Variants in ATXN1 observed in about 807,000 individuals in gnomAD.
ATXN1 encodes the protein ataxin-1.
ATXN1 carries 8 observed loss-of-function variants against 56.4 expected under a neutral mutation model. The observed-to-expected ratio is 0.14, with a 90% CI of 0.08 to 0.26. The LOEUF (loss-of-function observed/expected upper bound fraction) is 0.26, where lower values mean the gene tolerates loss of function less well. Ranked by LOEUF, ATXN1 falls within the 10% of genes least tolerant of loss-of-function variation. ATXN1 has a pLI of 1.00. For synonymous variants in ATXN1, 514 were observed against 494.6 expected (o/e 1.04, Z -0.52); for missense variants, 987 against 1,106.5 (o/e 0.89, Z 1.53).
At chr6:16,544,450 T>G (rs1256643116) in intron 4 of ATXN1, among the ~76,000 whole-genome samples, 2 of 152,234 alleles carry the variant, frequency 1.3e-5, no homozygotes, top group Non-Finnish European at 2.9e-5. Context: ...TAAATAACTT[T>G]TGGGGGCTTA....
At chr6:16,325,276 C>T (rs1760775731) in intron 7 of ATXN1, among the ~76,000 whole-genome samples, 1 of 152,062 alleles carries the variant, frequency 6.6e-6, no homozygotes, top group South Asian at 2.1e-4. Context: ...CACCACCATG[C>T]CCGGCTAATT....
At chr6:16,411,333 C>T (rs1581744184) in intron 6 of ATXN1, among the ~76,000 whole-genome samples, 1 of 151,764 alleles carries the variant, frequency 6.6e-6, no homozygotes, top group African/African-American at 2.4e-5. Context: ...TTTACTACTA[C>T]CTCATATGAC....
intron 2 of ATXN1, among the ~76,000 whole-genome samples, chr6:16,684,175 A>G (rs956783745): frequency 6.6e-6 from 1 of 152,198 alleles, no homozygotes; most frequent in African/African-American, 2.4e-5. Context: ...GAAAGATCTT[A>G]GACTTGCTTG....
chr6:16,584,637 C>CCCG (rs1762591457), intron 4 of ATXN1, among the ~76,000 whole-genome samples: 1 of 147,748 alleles, frequency 6.8e-6, no homozygotes, highest in African/African-American at 2.7e-5. Context: ...CAAATGACCC[C>CCCG]CCCCACCCCC....
intron 6 of ATXN1, among the ~76,000 whole-genome samples, chr6:16,333,977 A>T (rs568833874): frequency 1.2e-4 from 19 of 152,290 alleles, no homozygotes; most frequent in Middle Eastern, 3.4e-3. Flanking sequence ...TTGACTGAAC[A>T]GGCATGCCCC....
intron 7 of ATXN1, among the ~76,000 whole-genome samples, chr6:16,319,403 G>T (rs1448430868): frequency 1.3e-5 from 2 of 152,172 alleles, no homozygotes; most frequent in Non-Finnish European, 2.9e-5. Context: ...CAAAACTATG[G>T]AGAGAGTAAA....
rs970866194 is a variant in ATXN1, at chr6:16,733,851, T to C, written c.-615+19382A>G. Among the ~76,000 whole-genome samples, 3 of 149,338 alleles carry C rather than the reference T, an allele frequency of 2.0e-5. No individual in the cohort carries two copies. The East Asian group carries it at 6.0e-4, about 30-fold the overall frequency. ...AACAAGAGCAAAACTCCATCTCAAA[T>C]GAAAAAGAACCACTGGCTGGGTGGA... On this transcript the variant is annotated intron_variant, in intron 2 of 7. Coordinates refer to ENST00000436367, the MANE Select transcript of ATXN1 (RefSeq NM_001128164.2).
chr6:16,644,650 G>A (rs1471971918), intron 3 of ATXN1, among the ~76,000 whole-genome samples: 5 of 151,536 alleles, frequency 3.3e-5, no homozygotes, highest in Non-Finnish European at 1.5e-5. Context: ...TTTCAGAGTA[G>A]GGTATCTGAT....
In ATXN1 at chr6:16,532,763, T is replaced by A. The variant is rs1761529666; in HGVS notation, c.-360-10075A>T. Among the ~76,000 whole-genome samples, 5 of 152,118 alleles carry A rather than the reference T, an allele frequency of 3.3e-5. 1 individual carries two copies. The South Asian group carries it at 1.0e-3, about 32-fold the overall frequency. Reference sequence around the variant, plus strand: ...AATGTTGGCAAGGATGTGGACAAATTGGAACTCTGTGTACATTACTGATAG... The same window carrying A: ...AATGTTGGCAAGGATGTGGACAAATAGGAACTCTGTGTACATTACTGATAG... On this transcript the variant is annotated intron_variant, in intron 4 of 7. Coordinates refer to ENST00000436367, the MANE Select transcript of ATXN1 (RefSeq NM_001128164.2).
chr6:16,575,621 T>G (rs1762407167), intron 4 of ATXN1, among the ~76,000 whole-genome samples: 1 of 152,210 alleles, frequency 6.6e-6, no homozygotes, highest in Admixed American at 6.5e-5. Flanking sequence ...ATCTGTTCAT[T>G]CATTTGACAG....
At chr6:16,653,894 G>A (rs1758133705) in intron 3 of ATXN1, among the ~76,000 whole-genome samples, 1 of 152,148 alleles carries the variant, frequency 6.6e-6, no homozygotes. Flanking sequence ...TGGACCCTTT[G>A]CTGTGGGAGA....
chr6:16,529,862 C>T (rs548036468), intron 4 of ATXN1, among the ~76,000 whole-genome samples: 1 of 152,270 alleles, frequency 6.6e-6, no homozygotes, highest in South Asian at 2.1e-4. Context: ...TAAATTGTGA[C>T]CCAGCTCTGA....
intron 6 of ATXN1, among the ~76,000 whole-genome samples, chr6:16,341,960 G>A (rs897107664): frequency 7.3e-6 from 1 of 137,402 alleles, no homozygotes; most frequent in African/African-American, 2.8e-5. Context: ...TCGGCTCACT[G>A]CACCTCCCAG....
chr6:16,377,029 A>G (rs1762153842), intron 6 of ATXN1, among the ~76,000 whole-genome samples: 1 of 152,212 alleles, frequency 6.6e-6, no homozygotes, highest in Non-Finnish European at 1.5e-5. Context: ...ATTTACTTTC[A>G]GTATCCCTCA....
intron 3 of ATXN1, among the ~76,000 whole-genome samples, chr6:16,629,794 G>C (rs1028381435): frequency 6.6e-6 from 1 of 151,422 alleles, no homozygotes; most frequent in Non-Finnish European, 1.5e-5. Flanking sequence ...GTGTGCGCCT[G>C]TAATCCCAGC....
At chr6:16,407,929 A>G (rs1481395426) in intron 6 of ATXN1, among the ~76,000 whole-genome samples, 1 of 152,246 alleles carries the variant, frequency 6.6e-6, no homozygotes, top group African/African-American at 2.4e-5. Context: ...TCTGAAGTCC[A>G]GTAATTCTTC....
intron 6 of ATXN1, chr6:16,432,669 T>A (rs748459329): frequency 5.9e-5 from 9 of 152,140 alleles, no homozygotes; most frequent in Non-Finnish European, 1.3e-4. Context: ...ACCACAAAAT[T>A]TGCTTAACCT....
intron 3 of ATXN1, among the ~76,000 whole-genome samples, chr6:16,595,362 G>A (rs939769432): frequency 6.6e-6 from 1 of 152,162 alleles, no homozygotes; most frequent in South Asian, 2.1e-4. Context: ...GCTACGAATC[G>A]GCCCGTTCTT....
chr6:16,726,747 A>T (rs1247077126), intron 2 of ATXN1, among the ~76,000 whole-genome samples: 1 of 151,934 alleles, frequency 6.6e-6, no homozygotes, highest in African/African-American at 2.4e-5. Flanking sequence ...CAGCTACTCT[A>T]CTCAGGAGGC....
Sources: gnomAD v4.1 joint callset for allele counts (sites outside exome capture counted in the v4.1 genomes callset) on GRCh38, gnomAD v4.1.1 for gene constraint, MANE v1.5 for transcripts, NCBI Gene and HGNC (gene_info 2026-07-23, HGNC 2026-07-21) for gene names.